The following MTTP variants were observed in gnomAD, a reference collection of about 807,000 sequenced individuals.
The protein encoded by MTTP is microsomal triglyceride transfer protein, also known as microsomal triglyceride transfer protein large subunit.
MTTP carries 49 observed loss-of-function variants against 90.6 expected under a neutral mutation model. That is an observed-to-expected ratio of 0.54 (90% CI 0.43 to 0.69). MTTP has a LOEUF of 0.69. MTTP is among the 30% of genes least tolerant of loss of function. The probability of loss-of-function intolerance (pLI) is 0.00; values close to 1 mark genes in which losing one functional copy is unlikely to be tolerated. For synonymous variants in MTTP, 347 were observed against 384.2 expected (o/e 0.90, Z 1.13); for missense variants, 945 against 1,067.5 (o/e 0.89, Z 1.60).
At chr4:99,601,534 T>A in intron 9 of MTTP, 73 bp from the exon 10 acceptor site, 1 of 1,189,136 alleles carries the variant, frequency 8.4e-7, no homozygotes, top group East Asian at 2.3e-5. Context: ...ATGTGTTTAT[T>A]TTTTAACTAA....
At chr4:99,600,539 A>G (rs1437999183) in intron 8 of MTTP, 26 bp from the exon 9 acceptor site, 5 of 1,607,688 alleles carry the variant, frequency 3.1e-6, no homozygotes, top group Non-Finnish European at 4.3e-6. Context: ...AAACATTGAT[A>G]TCCATGATTA....
chr4:99,566,851 C>A (rs1180262746), intron 1 of MTTP, among the ~76,000 whole-genome samples: 3 of 151,998 alleles, frequency 2.0e-5, no homozygotes, highest in Non-Finnish European at 2.9e-5. Flanking sequence ...GATTATGAAC[C>A]CCTCCGTAAG....
intron 17 of MTTP, 57 bp downstream of exon 17, chr4:99,621,288 GCATTCAGTTTAGAA>G: frequency 6.4e-7 from 1 of 1,572,510 alleles, no homozygotes; most frequent in African/African-American, 1.3e-5. Context: ...CCAGGAACTT[GCATTCAGTTTAGAA>G]CATTCAGTTT....
chr4:99,606,693 C>A, intron 10 of MTTP, 55 bp from the exon 11 acceptor site: 1 of 1,566,506 alleles, frequency 6.4e-7, no homozygotes, highest in Non-Finnish European at 8.8e-7. Context: ...CCAGTCTCAC[C>A]CAAGTCTTCT....
Position 99,597,183 on chromosome 4 carries a change from A to G in MTTP, c.1026A>G (p.Glu342=). 1 of 1,614,010 alleles carries G rather than the reference A, an allele frequency of 6.2e-7. No homozygotes were observed. Among genetic ancestry groups the G allele is most frequent in the Non-Finnish European group, 8.5e-7 (1 of 1,179,898 alleles). Residue 342 remains glutamate (E), a synonymous_variant, in exon 8 of 18, where the codon GAA becomes GAG. Coordinates refer to ENST00000265517, the MANE Select transcript of MTTP (RefSeq NM_001386140.1). Reference sequence around the variant, plus strand: ...AGCACCTCAGGACTGCGAAGAAAGAAGAGATCCTTCAAATACTAAAGATGG... The same window carrying G: ...AGCACCTCAGGACTGCGAAGAAAGAGGAGATCCTTCAAATACTAAAGATGG... The part of the protein sequence containing the change: ...FIQHLRTAKK[E]EILQILKMEN...
At chr4:99,570,687 C>A (rs1724822022), upstream of MTTP, 1 of 455,498 alleles carries the variant, frequency 2.2e-6, no homozygotes, top group South Asian at 1.6e-5. Flanking sequence ...AAAGATTATC[C>A]TGGATTATTT....
At chr4:99,565,466 A>G (rs920722394) in intron 1 of MTTP, among the ~76,000 whole-genome samples, 6 of 152,242 alleles carry the variant, frequency 3.9e-5, no homozygotes, top group Non-Finnish European at 7.3e-5. Context: ...AAAAATTGAA[A>G]CATATAGAAA....
At chr4:99,617,000 G>C (rs1726113073) in intron 15 of MTTP, among the ~76,000 whole-genome samples, 1 of 152,182 alleles carries the variant, frequency 6.6e-6, no homozygotes, top group African/African-American at 2.4e-5. Context: ...ATTAGGAAGA[G>C]AGAAAAAGAT....
At position 99,613,232 on chromosome 4, in the gene MTTP, A is replaced by T. The variant is rs1726007965; in HGVS notation, c.2217+92A>T. The T allele has an allele frequency of 3.4e-6, 4 of 1,167,740 alleles. No individual in the cohort carries two copies. The Admixed American group carries it at 5.9e-5, about 17-fold the overall frequency. The allele number at this position is 1,167,740 out of a possible 1,614,324, so 72.3% of individuals were successfully genotyped here. A position where few individuals can be genotyped will look rare whatever the true frequency, so the allele number is the denominator to read the frequency against. On this transcript the variant is annotated intron_variant, in intron 15 of 17. Coordinates refer to ENST00000265517, the MANE Select transcript of MTTP (RefSeq NM_001386140.1). ...TTAGTTCTTGGAGGATACAAGACAA[A>T]ATTGTGCCCATCTTGGAGCTCATAT... is the stretch of plus-strand genomic sequence containing the variant.
At position 99,605,240 on chromosome 4, in the gene MTTP, C is replaced by T. The variant is rs115027940; in HGVS notation, c.1345-1508C>T. 3.6e-3 allele frequency among the ~76,000 whole-genome samples: 548 copies of T among 152,198 alleles called. 1 individual carries two copies. Among genetic ancestry groups the T allele is most frequent in the Non-Finnish European group, 6.8e-3 (460 of 67,988 alleles). ...CTTCCTCTAGGTAAAAAAAATCACT[C>T]ATTAAAAAAAATTTTTCTTTCTATG... is the stretch of plus-strand genomic sequence containing the variant. On this transcript the variant is annotated intron_variant, in intron 10 of 17. Coordinates refer to ENST00000265517, the MANE Select transcript of MTTP (RefSeq NM_001386140.1).
intron 1 of MTTP, among the ~76,000 whole-genome samples, chr4:99,565,149 T>C (rs558852254): frequency 1.3e-5 from 2 of 152,316 alleles, no homozygotes; most frequent in Admixed American, 6.5e-5. Flanking sequence ...GCCCTTCACA[T>C]GTAGGTCATT....
At position 99,600,667 on chromosome 4, in the gene MTTP, G is replaced by A. The variant is rs1578246712; in HGVS notation, c.1170G>A (p.Gln390=). Residue 390 remains glutamine, a synonymous_variant, in exon 9 of 18, where the codon CAG becomes CAA. Transcript: ENST00000265517. ...DFKSDSSIIL[Q]ERFLYACGFA... is the part of the protein sequence containing the mutation. Reference sequence around the variant, plus strand: ...AAAGTGACAGCAGCATTATCCTCCAGGAGAGGTTTCTCTATGCCTGTGGAT... The same window carrying A: ...AAAGTGACAGCAGCATTATCCTCCAAGAGAGGTTTCTCTATGCCTGTGGAT... The A allele has an allele frequency of 6.2e-7, 1 of 1,613,862 alleles. No individual in the cohort carries two copies. Among genetic ancestry groups the A allele is most frequent in the Non-Finnish European group, 8.5e-7 (1 of 1,179,838 alleles).
chr4:99,611,487 G>A (rs1371277004), intron 14 of MTTP, 34 bp downstream of exon 14: 1 of 1,611,400 alleles, frequency 6.2e-7, no homozygotes, highest in Non-Finnish European at 8.5e-7. Context: ...GCTTAATAAA[G>A]TATGCAAGAA....
At chr4:99,612,863 C>G in intron 14 of MTTP, 50 bp from the exon 15 acceptor site, 1 of 1,513,864 alleles carries the variant, frequency 6.6e-7, no homozygotes, top group Non-Finnish European at 9.2e-7. Context: ...CCATTATTTA[C>G]AGAGCAGGCA....
intron 4 of MTTP, among the ~76,000 whole-genome samples, chr4:99,590,864 CCA>C (rs70958320): frequency 7.8e-6 from 1 of 128,130 alleles, no homozygotes; most frequent in Non-Finnish European, 1.6e-5. Context: ...CACACACACA[CCA>C]CACACACACA....
chr4:99,567,719 G>A (rs970579856), intron 1 of MTTP, among the ~76,000 whole-genome samples: 11 of 152,118 alleles, frequency 7.2e-5, no homozygotes, highest in African/African-American at 2.7e-4. Context: ...AGAGACAATA[G>A]GGGCCAACAA....
At chr4:99,612,892 C>T in intron 14 of MTTP, 21 bp from the exon 15 acceptor site, 4 of 1,602,642 alleles carry the variant, frequency 2.5e-6, no homozygotes, top group Non-Finnish European at 2.6e-6. Context: ...GCGTCATGAA[C>T]ATTATATTGA....
At chr4:99,573,321 T>C (rs1724879622), upstream of MTTP, among the ~76,000 whole-genome samples, 1 of 152,168 alleles carries the variant, frequency 6.6e-6, no homozygotes, top group Non-Finnish European at 1.5e-5. Flanking sequence ...ACTGTAGAAA[T>C]CTATTCAAAT....
intron 1 of MTTP, among the ~76,000 whole-genome samples, chr4:99,580,054 AAAGT>A (rs1164948247): frequency 4.7e-5 from 7 of 150,244 alleles, no homozygotes; most frequent in African/African-American, 1.7e-4. Context: ...AAAAAAAAAA[AAAGT>A]AAAGAAAGAA....
Sources: gnomAD v4.1 joint callset for allele counts (sites outside exome capture counted in the v4.1 genomes callset) on GRCh38, gnomAD v4.1.1 for gene constraint, MANE v1.5 for transcripts, NCBI Gene and HGNC (gene_info 2026-07-23, HGNC 2026-07-21) for gene names.